The following POLE variants were observed in gnomAD, a reference collection of about 807,000 sequenced individuals.
POLE encodes DNA polymerase epsilon catalytic subunit A.
A neutral mutation model predicts 279.2 loss-of-function variants in POLE; 188 were observed. The ratio of observed to expected loss-of-function variants is 0.67; its 90% CI spans 0.60 to 0.76. The LOEUF is 0.76. POLE is among the 30% of genes least tolerant of loss of function. POLE has a pLI of 0.00. For missense variants in POLE, 2,703 were observed against 3,016.7 expected, an observed-to-expected ratio of 0.90 and a Z score of 2.44; for synonymous variants, 1,214 against 1,172.5, an observed-to-expected ratio of 1.04 and a Z score of -0.72.
chr12:132,676,498 A>G (rs1323879144), intron 9 of POLE, 48 bp downstream of exon 9: 1 of 1,144,148 alleles, frequency 8.7e-7, no homozygotes, highest in Non-Finnish European at 1.3e-6. Context: ...TGGGGACCAG[A>G]CAAGGTCCCC....
chr12:132,625,023 AGCCCTCCCGCGCTG>A (rs2041803616), intron 47 of POLE, 29 bp from the exon 48 acceptor site: 1 of 1,571,440 alleles, frequency 6.4e-7, no homozygotes, highest in Non-Finnish European at 8.7e-7. Flanking sequence ...GATGGGCGCC[AGCCCTCCCGCGCTG>A]GCCAGACCTG....
intron 6 of POLE, 50 bp downstream of exon 6, chr12:132,679,447 A>T: frequency 6.4e-7 from 1 of 1,560,722 alleles, no homozygotes; most frequent in African/African-American, 1.4e-5. Context: ...TCTCCTATCC[A>T]TCTTGTCGTT....
In POLE at chr12:132,625,001, G is replaced by T. The variant is rs531482240; in HGVS notation, c.6658-7C>A. ...CGCGGCACTTCAGGCAGACCTGAAA[G>T]GGAGCAGCCCCGATGGGCGCCAGCC... On this transcript the variant is annotated splice_region_variant and splice_polypyrimidine_tract_variant and intron_variant, in intron 47 of 48. Coordinates refer to ENST00000320574, the MANE Select transcript of POLE (RefSeq NM_006231.4). The T allele has an allele frequency of 1.7e-4, 282 of 1,611,554 alleles. No individual in the cohort carries two copies. The highest frequency in any genetic ancestry group is 2.3e-4 in the Non-Finnish European group (269 of 1,178,250).
In POLE at chr12:132,677,352, G is replaced by A. The variant is rs1434940733; in HGVS notation, c.801+11C>T. ...AAATTTTAGGATGAAGGTAACACAA[G>A]CAAAACTTACAGGTCGTTCAACAAG... On this transcript the variant is annotated intron_variant, in intron 8 of 48. Coordinates refer to ENST00000320574, the MANE Select transcript of POLE (RefSeq NM_006231.4). 1 of 1,609,360 alleles carries A rather than the reference G, an allele frequency of 6.2e-7. No individual in the cohort carries two copies. Among genetic ancestry groups the A allele is most frequent in the African/African-American group, 1.3e-5 (1 of 74,942 alleles).
chr12:132,671,661 A>T (rs1252872921), intron 16 of POLE, among the ~76,000 whole-genome samples: 1 of 136,000 alleles, frequency 7.4e-6, no homozygotes, highest in African/African-American at 2.9e-5. Flanking sequence ...CAACAGCGAG[A>T]CTCCATCTCA....
intron 29 of POLE, among the ~76,000 whole-genome samples, chr12:132,652,894 C>A (rs1027182250): frequency 6.6e-6 from 1 of 152,092 alleles, no homozygotes; most frequent in African/African-American, 2.4e-5. Flanking sequence ...TTATCCTTAC[C>A]CTTTATATGA....
intron 41 of POLE, 50 bp downstream of exon 41, chr12:132,637,964 C>A: frequency 6.3e-7 from 1 of 1,599,724 alleles, no homozygotes; most frequent in Non-Finnish European, 8.5e-7. Context: ...GTCATTTTAG[C>A]ATCCCTCTCA....
chr12:132,638,427 G>A (rs2042076799), intron 40 of POLE: 1 of 221,012 alleles, frequency 4.5e-6, no homozygotes, highest in South Asian at 1.2e-4. Flanking sequence ...AATAAGAGAA[G>A]AACCACCAAA....
chr12:132,634,437 G>A lies in POLE; in HGVS notation c.5812-59C>T. ...ACCATCGCGGCCTGGTAGAGGGGTAGGATGCCACAGCGAAGGCTCCTCCAA... is the reference window on the plus strand; with the variant it reads ...ACCATCGCGGCCTGGTAGAGGGGTAAGATGCCACAGCGAAGGCTCCTCCAA... On this transcript the variant is annotated intron_variant, in intron 42 of 48. Transcript: ENST00000320574. This position sits in a 1 kb window ranked among gnomAD's most constrained non-coding sequence, Gnocchi z 4.0. 1 of 1,528,386 alleles carries A rather than the reference G, an allele frequency of 6.5e-7. No homozygotes were observed. Among genetic ancestry groups the A allele is most frequent in the South Asian group, 1.2e-5 (1 of 82,544 alleles). 94.7% of individuals were successfully genotyped at this position (1,528,386 alleles called of 1,614,324 possible).
rs192792541 is a variant in POLE, at chr12:132,669,295, G to A, written c.1795-356C>T. ...GCCTGAGCAACACAGTGGGACCCCC[G>A]TCTCTATAAAAAATAAAAAATTAGC... On this transcript the variant is annotated intron_variant, in intron 16 of 48. Transcript: ENST00000320574. Among the ~76,000 whole-genome samples, 21 of 151,900 alleles carry A rather than the reference G, an allele frequency of 1.4e-4. 1 individual carries two copies. The highest frequency in any genetic ancestry group is 6.2e-4 in the South Asian group (3 of 4,806).
At position 132,624,653 on chromosome 12, in the gene POLE, G is replaced by C. The variant is rs113095243; in HGVS notation, c.*44C>G. On this transcript the variant is annotated 3_prime_UTR_variant, in exon 49 of 49. Coordinates refer to ENST00000320574, the MANE Select transcript of POLE (RefSeq NM_006231.4). Reference sequence around the variant, plus strand: ...GCACGGGGATGTGGCCTTGGCATCAGGAGGCCTGGCACGGACGCAGAGGCA... The same window carrying C: ...GCACGGGGATGTGGCCTTGGCATCACGAGGCCTGGCACGGACGCAGAGGCA... 77 of 1,103,912 alleles carry C rather than the reference G, an allele frequency of 7.0e-5. No homozygotes were observed. Among genetic ancestry groups the C allele is most frequent in the Non-Finnish European group, 1.0e-4 (75 of 715,838 alleles). 68.4% of individuals were successfully genotyped at this position (1,103,912 alleles called of 1,614,324 possible).
At chr12:132,678,037 G>A (rs1186304782) in intron 6 of POLE, among the ~76,000 whole-genome samples, 1 of 152,106 alleles carries the variant, frequency 6.6e-6, no homozygotes. Context: ...AATTAGCCAG[G>A]CGTGGTGGCG....
chr12:132,641,903 C>T (rs1158778514), intron 38 of POLE, 52 bp from the exon 39 acceptor site: 2 of 1,567,600 alleles, frequency 1.3e-6, no homozygotes, highest in Admixed American at 1.7e-5. Context: ...TCCAGCACCA[C>T]CAGCCCCCTG....
At chr12:132,672,519 G>T in intron 15 of POLE, 108 bp downstream of exon 15, 2 of 1,251,096 alleles carry the variant, frequency 1.6e-6, no homozygotes, top group Non-Finnish European at 2.3e-6. Context: ...CCGGTGAGGG[G>T]CCGTGGGACA....
intron 12 of POLE, among the ~76,000 whole-genome samples, chr12:132,674,469 C>G (rs1340105505): frequency 6.6e-6 from 1 of 152,108 alleles, no homozygotes; most frequent in Non-Finnish European, 1.5e-5. Flanking sequence ...GGTGGGGCTT[C>G]CAGGCTAGCA....
At chr12:132,667,924 A>G (rs1418840392) in intron 19 of POLE, among the ~76,000 whole-genome samples, 2 of 152,166 alleles carry the variant, frequency 1.3e-5, no homozygotes, top group Non-Finnish European at 2.9e-5. Context: ...TCTACAAAAA[A>G]TACAAAAAAT....
chr12:132,647,084 A>G (rs1042853879), intron 32 of POLE, among the ~76,000 whole-genome samples: 51 of 152,166 alleles, frequency 3.4e-4, no homozygotes, highest in African/African-American at 1.2e-3. Context: ...TTAAAATTGC[A>G]GTTTCTAAGG....
chr12:132,637,892 G>T, intron 41 of POLE, 122 bp downstream of exon 41: 1 of 1,085,344 alleles, frequency 9.2e-7, no homozygotes, highest in Non-Finnish European at 1.3e-6. Flanking sequence ...ATTCACCATG[G>T]TGAGTCCTGC....
intron 44 of POLE, 51 bp downstream of exon 44, chr12:132,632,613 G>C (rs1337116661): frequency 6.2e-7 from 1 of 1,612,436 alleles, no homozygotes; most frequent in East Asian, 2.2e-5. Flanking sequence ...ACACAGAGGA[G>C]TTAGGTCACT....
Sources: gnomAD v4.1 joint callset for allele counts (sites outside exome capture counted in the v4.1 genomes callset) on GRCh38, gnomAD v4.1.1 for gene constraint, Gnocchi (gnomAD v3.1) non-coding constraint, MANE v1.5 for transcripts, NCBI Gene and HGNC (gene_info 2026-07-23, HGNC 2026-07-21) for gene names.